The following MINDY1 variants were observed in gnomAD, a reference collection of about 807,000 sequenced individuals.
The protein encoded by MINDY1 is ubiquitin carboxyl-terminal hydrolase MINDY-1.
Under a neutral mutation model 53.6 loss-of-function variants are expected in MINDY1, and 50 were observed. The ratio of observed to expected loss-of-function variants is 0.93; its 90% CI spans 0.74 to 1.18. The LOEUF (loss-of-function observed/expected upper bound fraction) is 1.18, where lower values mean the gene tolerates loss of function less well. Ranked by LOEUF, MINDY1 falls within the 50% of genes most tolerant of loss-of-function variation. The pLI is 0.00. For synonymous variants in MINDY1, 231 were observed against 234.7 expected (o/e 0.98, Z 0.14); for missense variants, 484 against 578.6 (o/e 0.84, Z 1.68).
chr1:150,999,478 G>A lies in MINDY1; in HGVS notation c.872C>T (p.Ala291Val), dbSNP rs369386016. The A allele has an allele frequency of 6.9e-5, 112 of 1,613,976 alleles. No individual in the cohort carries two copies. The highest frequency in any genetic ancestry group is 9.1e-5 in the Non-Finnish European group (107 of 1,180,034). Residue 291 changes from alanine to valine, a missense_variant, in exon 7 of 10, where the codon GCG becomes GTG. Physicochemically the swap from Ala to Val is moderately conservative, Grantham distance 64. Transcript: ENST00000683666. The surrounding 1 kb of genome is among the most constrained non-coding windows in gnomAD (Gnocchi z 4.4). The part of the protein sequence containing the change: ...LIAEQFLETT[A>V]AQLTYHGLCE... ...CAGTCCGTGGTAGGTCAGCTGGGCC[G>A]CGGTGGTCTCCAGGAACTGCTCTGC...
rs1319530659 is a variant in MINDY1, at chr1:150,997,340, C to T, written c.1357G>A (p.Ala453Thr). 1 of 1,602,456 alleles carries T rather than the reference C, an allele frequency of 6.2e-7. No homozygotes were observed. The highest frequency in any genetic ancestry group is 8.5e-7 in the Non-Finnish European group (1 of 1,173,432). ...QGRGATSGRP[A>T]GERRQRPKHE... The stretch of plus-strand genomic sequence containing the variant: ...TTCGGCCTCTGCCGACGCTCCCCGG[C>T]TGGGCGTCCAGATGTGGCTCCTCTC... The change falls in exon 10 of 10, where the codon GCC becomes ACC. Residue 453 changes from alanine (A) to threonine (T), a missense_variant. Transcript: ENST00000683666.
intron 5 of MINDY1, 73 bp downstream of exon 5, chr1:151,000,384 T>A: frequency 1.3e-6 from 2 of 1,498,668 alleles, no homozygotes; most frequent in Non-Finnish European, 1.8e-6. Flanking sequence ...CCCTAACCTC[T>A]ACCCGACAAA....
chr1:151,007,197 T>C (rs140425928), upstream of MINDY1, among the ~76,000 whole-genome samples: 72 of 152,170 alleles, frequency 4.7e-4, no homozygotes, highest in African/African-American at 1.4e-3. Context: ...CCTGGTAGAG[T>C]GCAGAGGGTG....
In MINDY1 at chr1:151,003,349, G is replaced by C. The variant is rs587619619; in HGVS notation, c.-89-643C>G. On this transcript the variant is annotated intron_variant, in intron 1 of 9. Transcript: ENST00000683666. The stretch of plus-strand genomic sequence containing the variant: ...TAAAGGTGAAATGCTGGTGAGGAAG[G>C]GGAAGTCTTCCACCTCAAAGGGCTC... Among the ~76,000 whole-genome samples, 24 of 152,186 alleles carry C rather than the reference G, an allele frequency of 1.6e-4. No individual in the cohort carries two copies. In the South Asian group the frequency reaches 5.0e-3, roughly 32 times the overall value.
upstream of MINDY1, chr1:151,008,276 C>G: frequency 2.4e-6 from 3 of 1,228,960 alleles, no homozygotes; most frequent in Non-Finnish European, 3.1e-6. Flanking sequence ...ACTGATCCCT[C>G]AGAAAACAAT....
chr1:151,008,103 TTG>T, upstream of MINDY1: 2 of 444,844 alleles, frequency 4.5e-6, no homozygotes, highest in Non-Finnish European at 6.0e-6. Flanking sequence ...AGGGCAGAAT[TTG>T]TAGAAAGAAG....
intron 8 of MINDY1, 75 bp downstream of exon 8, chr1:150,998,007 C>A (rs748558007): frequency 1.4e-6 from 2 of 1,459,326 alleles, no homozygotes; most frequent in Non-Finnish European, 1.8e-6. Flanking sequence ...TGGCCTCTAG[C>A]AGTTAAAATG....
chr1:151,001,521 T>C (rs1000397284), intron 3 of MINDY1, among the ~76,000 whole-genome samples: 5 of 152,202 alleles, frequency 3.3e-5, no homozygotes, highest in African/African-American at 1.2e-4. Flanking sequence ...ATACAAAAGC[T>C]AAGGGCAGAA....
downstream of MINDY1, chr1:150,996,613 G>A: frequency 6.7e-6 from 1 of 150,198 alleles, no homozygotes; most frequent in East Asian, 2.0e-4. Context: ...TGCGATCTCG[G>A]CTCACTGCAA....
In MINDY1 at chr1:151,006,741, G is replaced by A. The variant is rs1008539155; in HGVS notation, c.-519C>T. ...GGCAAGGACAAGCTCCCTGGAGGAG[G>A]AGGGGCCTGCCCAGCGCTGGTGGAT... On this transcript the variant is annotated 5_prime_UTR_variant, in exon 1 of 10. Coordinates refer to ENST00000683666, the MANE Select transcript of MINDY1 (RefSeq NM_001376665.1). 2.0e-6 allele frequency: 2 copies of A among 985,504 alleles called. No homozygotes were observed. Among genetic ancestry groups the A allele is most frequent in the African/African-American group, 3.5e-5 (2 of 57,232 alleles). The allele number at this position is 985,504 out of a possible 1,614,324, so 61.0% of individuals were successfully genotyped here. A position where few individuals can be genotyped will look rare whatever the true frequency, so the allele number is the denominator to read the frequency against.
Position 151,006,776 on chromosome 1 carries a change from G to T in MINDY1, c.-554C>A. ...CCCAGCGCTGGTGGATTTCCATCAG[G>T]ACTTTCTGACCCGGTCAGCAGCTTT... On this transcript the variant is annotated 5_prime_UTR_variant, in exon 1 of 10. Transcript: ENST00000683666. The T allele has an allele frequency of 3.0e-6, 3 of 985,594 alleles. No individual in the cohort carries two copies. Among genetic ancestry groups the T allele is most frequent in the Non-Finnish European group, 3.6e-6 (3 of 830,072 alleles). 61.1% of individuals were successfully genotyped at this position (985,594 alleles called of 1,614,324 possible). A position where few individuals can be genotyped will look rare whatever the true frequency, so the allele number is the denominator to read the frequency against.
At chr1:150,998,578 G>C (rs1038786197) in intron 7 of MINDY1, among the ~76,000 whole-genome samples, 11 of 152,246 alleles carry the variant, frequency 7.2e-5, no homozygotes, top group African/African-American at 2.6e-4. Flanking sequence ...GGATGGCCTC[G>C]ATCTCCTGAC....
At position 151,002,849 on chromosome 1, in the gene MINDY1, C is replaced by A. The variant is rs779881567; in HGVS notation, c.-89-143G>T. The A allele has an allele frequency of 1.8e-5, 26 of 1,430,812 alleles. No individual in the cohort carries two copies. The Admixed American group carries it at 2.6e-4, about 14-fold the overall frequency. 88.6% of individuals were successfully genotyped at this position (1,430,812 alleles called of 1,614,324 possible). A position where few individuals can be genotyped will look rare whatever the true frequency, so the allele number is the denominator to read the frequency against. ...CAGTATATGTGTAAACAGAAGGGCCCCGTGCTGAGCTCTTTCCACCTCTAA... is the reference window on the plus strand; with the variant it reads ...CAGTATATGTGTAAACAGAAGGGCCACGTGCTGAGCTCTTTCCACCTCTAA... On this transcript the variant is annotated intron_variant, in intron 1 of 9. Transcript: ENST00000683666. This position sits in a 1 kb window ranked among gnomAD's most constrained non-coding sequence, Gnocchi z 4.1.
chr1:151,006,757 G>C lies in MINDY1; in HGVS notation c.-535C>G, dbSNP rs1287115425. On this transcript the variant is annotated 5_prime_UTR_variant, in exon 1 of 10. Transcript: ENST00000683666. ...CTGGAGGAGGAGGGGCCTGCCCAGC[G>C]CTGGTGGATTTCCATCAGGACTTTC... 1 of 985,500 alleles carries C rather than the reference G, an allele frequency of 1.0e-6. No individual in the cohort carries two copies. Among genetic ancestry groups the C allele is most frequent in the South Asian group, 4.7e-5 (1 of 21,314 alleles). 61.0% of individuals were successfully genotyped at this position (985,500 alleles called of 1,614,324 possible).
chr1:151,005,369 T>C (rs1228319050), intron 1 of MINDY1, among the ~76,000 whole-genome samples: 2 of 151,600 alleles, frequency 1.3e-5, no homozygotes, highest in Non-Finnish European at 2.9e-5. Flanking sequence ...GGAGAATTGC[T>C]TGAACCCCGG....
chr1:151,003,507 GCACAAAAAGCACT>G (rs587765705), intron 1 of MINDY1, among the ~76,000 whole-genome samples: 150 of 152,014 alleles, frequency 9.9e-4, no homozygotes, highest in East Asian at 6.0e-3. Context: ...CAGATTAGGG[GCACAAAAAGCACT>G]CCCCACAAGT....
intron 2 of MINDY1, 149 bp from the exon 3 acceptor site, chr1:151,001,931 G>T: frequency 1.1e-6 from 1 of 900,350 alleles, no homozygotes. Context: ...GTGAAATCTT[G>T]CAAGGCATGT....
At chr1:151,006,983 T>C (rs1673302517), upstream of MINDY1, 2 of 776,312 alleles carry the variant, frequency 2.6e-6, no homozygotes, top group Admixed American at 6.2e-5. Flanking sequence ...GGATCTGGGC[T>C]CTCTCTCTGG....
rs971433035 is a variant in MINDY1 at position 151,006,802 on chromosome 1, G to A, written c.-580C>T. 6.1e-6 allele frequency: 6 copies of A among 985,448 alleles called. No homozygotes were observed. The allele number at this position is 985,448 out of a possible 1,614,324, so 61.0% of individuals were successfully genotyped here. ...ACTTTCTGACCCGGTCAGCAGCTTT[G>A]TGATCAGCAGAGAGGGAGCGAGAAA... is the stretch of plus-strand genomic sequence containing the variant. On this transcript the variant is annotated 5_prime_UTR_variant, in exon 1 of 10. Transcript: ENST00000683666.
Sources: allele counts gnomAD v4.1 joint callset (sites outside exome capture counted in the v4.1 genomes callset), GRCh38; gene constraint gnomAD v4.1.1; non-coding constraint Gnocchi (gnomAD v3.1); transcripts MANE v1.5; gene names NCBI Gene and HGNC (gene_info 2026-07-23, HGNC 2026-07-21).